Variants in UNC79 observed in about 807,000 individuals in gnomAD.
UNC79 encodes the protein unc-79 subunit of NALCN channel complex, also known as protein unc-79 homolog.
In UNC79, 37 loss-of-function variants were observed where a neutral mutation model predicts 283.1. That is an observed-to-expected ratio of 0.13 (90% CI 0.10 to 0.17). UNC79 has a LOEUF of 0.17. UNC79 is among the 10% of genes least tolerant of loss of function. The pLI, the probability that UNC79 is intolerant of heterozygous loss-of-function variation, is 1.00. For missense variants in UNC79, 2,272 were observed against 3,211.1 expected, an observed-to-expected ratio of 0.71 and a Z score of 7.07; for synonymous variants, 1,107 against 1,200.2, an observed-to-expected ratio of 0.92 and a Z score of 1.61.
At chr14:93,654,183 A>G (rs2070647199) in intron 37 of UNC79, among the ~76,000 whole-genome samples, 158 bp downstream of exon 40, 1 of 152,106 alleles carries the variant, frequency 6.6e-6, no homozygotes, top group Non-Finnish European at 1.5e-5. Context: ...TAAAATTAAA[A>G]AATATATATT....
At chr14:93,372,940 A>G (rs1393808369) in intron 1 of UNC79, among the ~76,000 whole-genome samples, 1 of 152,228 alleles carries the variant, frequency 6.6e-6, no homozygotes, top group African/African-American at 2.4e-5. Flanking sequence ...TAACAAGTTC[A>G]AAAGGATAGA....
At chr14:93,637,161 C>T (rs772935589) in intron 31 of UNC79, 55 bp from the exon 35 acceptor site, 41 of 891,562 alleles carry the variant, frequency 4.6e-5, no homozygotes, top group Admixed American at 1.5e-4. Flanking sequence ...TCTTTGTGTT[C>T]TAAATGGTGC....
chr14:93,684,590 T>TA (rs368410187), intron 42 of UNC79, among the ~76,000 whole-genome samples: 15 of 152,270 alleles, frequency 9.9e-5, no homozygotes, highest in Non-Finnish European at 2.1e-4. Context: ...ATCTCAATCT[T>TA]ATAAACATTA....
chr14:93,670,289 G>A (rs1025879577), intron 40 of UNC79, among the ~76,000 whole-genome samples: 1 of 150,798 alleles, frequency 6.6e-6, no homozygotes, highest in Admixed American at 6.6e-5. Flanking sequence ...AGATCCCATG[G>A]GTTGAGGGCT....
At chr14:93,619,981 T>C (rs760554113) in intron 29 of UNC79, among the ~76,000 whole-genome samples, 8 of 152,226 alleles carry the variant, frequency 5.3e-5, no homozygotes, top group Non-Finnish European at 1.2e-4. Flanking sequence ...TTAAGTAAAC[T>C]TTATGGGTTG....
In UNC79 at chr14:93,593,668, T is replaced by C. The variant is rs2064855228; in HGVS notation, c.3033-12T>C. The C allele has an allele frequency of 6.2e-7, 1 of 1,601,330 alleles. No homozygotes were observed. The highest frequency in any genetic ancestry group is 1.3e-5 in the African/African-American group (1 of 74,190). ...ATAACTGTCACCACTTTGCTTCTCC[T>C]TGATTCCCTAGCCTGTGGAGGGTCG... On this transcript the variant is annotated splice_polypyrimidine_tract_variant and intron_variant, in intron 22 of 48. Transcript: ENST00000555664.
intron 1 of UNC79, among the ~76,000 whole-genome samples, chr14:93,349,169 A>G (rs2053931743): frequency 6.6e-6 from 1 of 152,122 alleles, no homozygotes; most frequent in Non-Finnish European, 1.5e-5. Flanking sequence ...CAACTGTAAC[A>G]CTCACCGTGA....
intron 1 of UNC79, among the ~76,000 whole-genome samples, chr14:93,372,273 CTG>C (rs781107688): frequency 1.3e-5 from 2 of 151,794 alleles, no homozygotes; most frequent in Non-Finnish European, 1.5e-5. Flanking sequence ...AGTAACAACT[CTG>C]TATCTAATGT....
intron 30 of UNC79, among the ~76,000 whole-genome samples, chr14:93,624,346 A>G (rs999833076): frequency 6.6e-6 from 1 of 152,210 alleles, no homozygotes; most frequent in Middle Eastern, 3.2e-3. Context: ...AAGAAAGTTT[A>G]AGAAGTTAAG....
chr14:93,528,451 A>T, intron 8 of UNC79, 107 bp from the exon 9 acceptor site: 1 of 1,019,814 alleles, frequency 9.8e-7, no homozygotes, highest in Non-Finnish European at 1.5e-6. Flanking sequence ...TGTTTATTCC[A>T]CCTCGCTTGT....
At chr14:93,463,428 G>T (rs542216691) in intron 1 of UNC79, among the ~76,000 whole-genome samples, 1 of 152,120 alleles carries the variant, frequency 6.6e-6, no homozygotes, top group Non-Finnish European at 1.5e-5. Flanking sequence ...GAGGACTGTC[G>T]CTGGAGGGGA....
At chr14:93,404,509 T>TATATATATATATATATATATATAA (rs1566915254) in intron 1 of UNC79, among the ~76,000 whole-genome samples, 1 of 113,980 alleles carries the variant, frequency 8.8e-6, no homozygotes. Context: ...TATATATATA[T>TATATATATATATATATATATATAA]ATATAAATAT....
At chr14:93,348,074 C>T (rs1379681773) in intron 1 of UNC79, 3 of 1,612,776 alleles carry the variant, frequency 1.9e-6, no homozygotes, top group Middle Eastern at 1.6e-4. Flanking sequence ...TTCTTAACAC[C>T]AGCTGCATAT....
intron 29 of UNC79, among the ~76,000 whole-genome samples, chr14:93,620,006 T>C (rs2067006431): frequency 6.6e-6 from 1 of 152,254 alleles, no homozygotes; most frequent in Non-Finnish European, 1.5e-5. Context: ...ATATGAACTC[T>C]TTCCTCATTA....
intron 1 of UNC79, among the ~76,000 whole-genome samples, chr14:93,439,700 G>A (rs1422041500): frequency 6.6e-6 from 1 of 151,982 alleles, no homozygotes; most frequent in Admixed American, 6.6e-5. Flanking sequence ...AAGTTTTTTA[G>A]AGTTCCCCTG....
At chr14:93,630,503 A>G (rs2067939494) in intron 30 of UNC79, among the ~76,000 whole-genome samples, 1 of 152,218 alleles carries the variant, frequency 6.6e-6, no homozygotes, top group African/African-American at 2.4e-5. Flanking sequence ...TTTAGTACAG[A>G]AAGGTTAAGG....
At chr14:93,523,422 T>G (rs574434057) in intron 7 of UNC79, among the ~76,000 whole-genome samples, 3 of 152,220 alleles carry the variant, frequency 2.0e-5, no homozygotes, top group African/African-American at 7.2e-5. Flanking sequence ...GGATAGGAAA[T>G]GGAATGGTAG....
At chr14:93,394,514 G>A (rs1185810401) in intron 1 of UNC79, among the ~76,000 whole-genome samples, 1 of 150,972 alleles carries the variant, frequency 6.6e-6, no homozygotes, top group Middle Eastern at 3.2e-3. Context: ...AGGTTCAAGC[G>A]ATTCTCCTGC....
chr14:93,574,155 G>A (rs539884548), intron 16 of UNC79, among the ~76,000 whole-genome samples: 1 of 152,138 alleles, frequency 6.6e-6, no homozygotes, highest in Non-Finnish European at 1.5e-5. Flanking sequence ...CCGTTGCACA[G>A]CCCTTACACT....
Sources: allele counts gnomAD v4.1 joint callset (sites outside exome capture counted in the v4.1 genomes callset), GRCh38; gene constraint gnomAD v4.1.1; transcripts MANE v1.5; gene names NCBI Gene and HGNC (gene_info 2026-07-23, HGNC 2026-07-21).